Variants in MAP2K4 observed in about 807,000 individuals in gnomAD.
MAP2K4 encodes dual specificity mitogen-activated protein kinase kinase 4.
In MAP2K4, 4 loss-of-function variants were observed where a neutral mutation model predicts 48.5. The ratio of observed to expected loss-of-function variants is 0.08; its 90% CI spans 0.04 to 0.19. The LOEUF is 0.19. Among genes scored for constraint, MAP2K4 ranks in the 10% least tolerant of loss-of-function variants. The probability of loss-of-function intolerance (pLI) is 1.00; values close to 1 mark genes in which losing one functional copy is unlikely to be tolerated. For synonymous variants in MAP2K4, 166 were observed against 173.1 expected (o/e 0.96, Z 0.32); for missense variants, 258 against 493.3 (o/e 0.52, Z 4.52).
At chr17:12,100,090 C>G (rs2151566079) in intron 4 of MAP2K4, among the ~76,000 whole-genome samples, 1 of 152,266 alleles carries the variant, frequency 6.6e-6, no homozygotes, top group South Asian at 2.1e-4. Flanking sequence ...ATCTGATAAA[C>G]TTCCCACATG....
intron 1 of MAP2K4, among the ~76,000 whole-genome samples, chr17:12,033,184 T>TA (rs1364320414): frequency 2.0e-5 from 3 of 152,146 alleles, no homozygotes; most frequent in East Asian, 1.9e-4. Flanking sequence ...CAAGTACAGT[T>TA]AAAAAAATCT....
intron 4 of MAP2K4, among the ~76,000 whole-genome samples, chr17:12,100,922 G>A (rs1057242722): frequency 1.3e-5 from 2 of 151,812 alleles, no homozygotes; most frequent in East Asian, 1.9e-4. Context: ...TTTGTTATTC[G>A]GTTTTGGGAG....
chr17:12,113,257 TG>T lies in MAP2K4; in HGVS notation c.712del (p.Asp238ThrfsTer38). 6.2e-7 allele frequency: 1 copy of T among 1,613,634 alleles called. No homozygotes were observed. The highest frequency in any genetic ancestry group is 1.1e-5 in the South Asian group (1 of 91,056). ...GATATCAAACCTTCCAATATTCTTC[TG>T]GACAGAAGTGGAAATATTAAGCTCT... ...HRDIKPSNIL[L>X]DRSGNIKLCD... On this transcript the variant is annotated frameshift_variant, in exon 7 of 11. Transcript: ENST00000353533. LOFTEE classifies it high-confidence loss of function.
rs55668107 is a variant in MAP2K4 at position 12,100,504 on chromosome 17, A to G, written c.513+4810A>G. 6.1e-3 allele frequency among the ~76,000 whole-genome samples: 935 copies of G among 152,276 alleles called. 4 individuals carry two copies. Among genetic ancestry groups the G allele is most frequent in the African/African-American group, 0.022 (917 of 41,566 alleles). On this transcript the variant is annotated intron_variant, in intron 4 of 10. Transcript: ENST00000353533. Reference sequence around the variant, plus strand: ...GGATTGTTTTCAGTTTTTGTCTGTTACTAATAAAGTTGCTTTGAGCATTTA... The same window carrying G: ...GGATTGTTTTCAGTTTTTGTCTGTTGCTAATAAAGTTGCTTTGAGCATTTA...
At chr17:12,060,991 C>T (rs1970434075) in intron 2 of MAP2K4, among the ~76,000 whole-genome samples, 1 of 151,958 alleles carries the variant, frequency 6.6e-6, no homozygotes, top group Non-Finnish European at 1.5e-5. Flanking sequence ...TCCTTCTAGC[C>T]CTGGCGCCCA....
intron 1 of MAP2K4, among the ~76,000 whole-genome samples, chr17:12,051,725 G>GA (rs1396641971): frequency 2.0e-5 from 3 of 151,818 alleles, no homozygotes; most frequent in Middle Eastern, 3.2e-3. Flanking sequence ...TCAAGTTTTT[G>GA]AAAAAAATTC....
chr17:12,142,127 C>CAGT lies in MAP2K4; in HGVS notation c.*868_*869insGTA, dbSNP rs1973394646. On this transcript the variant is annotated 3_prime_UTR_variant, in exon 11 of 11. Coordinates refer to ENST00000353533, the MANE Select transcript of MAP2K4 (RefSeq NM_003010.4). Reference sequence around the variant, plus strand: ...TGAAAGAAGAAAACAGTACAGAAGGCAAAGTTTACAGATGTTTTTAATTCT... The same window carrying CAGT: ...TGAAAGAAGAAAACAGTACAGAAGGCAGTAAAGTTTACAGATGTTTTTAATTCT... 1 of 233,372 alleles carries CAGT rather than the reference C, an allele frequency of 4.3e-6. No homozygotes were observed. The highest frequency in any genetic ancestry group is 5.6e-5 in the Admixed American group (1 of 17,768). The allele number at this position is 233,372 out of a possible 1,614,324, so 14.5% of individuals were successfully genotyped here.
intron 6 of MAP2K4, among the ~76,000 whole-genome samples, chr17:12,111,426 G>C: frequency 6.6e-6 from 1 of 150,962 alleles, no homozygotes; most frequent in South Asian, 2.1e-4. Context: ...TGTAGAGTTA[G>C]GTCCCTAAAC....
At chr17:12,098,262 G>A (rs757525749) in intron 4 of MAP2K4, among the ~76,000 whole-genome samples, 4 of 152,040 alleles carry the variant, frequency 2.6e-5, no homozygotes, top group Admixed American at 6.5e-5. Flanking sequence ...GGCGGATCAC[G>A]AGGTCAGGAG....
At chr17:12,139,490 T>G (rs899969508) in intron 9 of MAP2K4, among the ~76,000 whole-genome samples, 11 of 152,176 alleles carry the variant, frequency 7.2e-5, no homozygotes, top group African/African-American at 2.4e-4. Context: ...TTATTTACAT[T>G]TAGAAAAGCA....
intron 9 of MAP2K4, 23 bp from the exon 10 acceptor site, chr17:12,139,816 A>G (rs1178180569): frequency 6.6e-7 from 1 of 1,516,510 alleles, no homozygotes; most frequent in Non-Finnish European, 9.1e-7. Flanking sequence ...CATTTTAATA[A>G]TGTTATTTTT....
intron 3 of MAP2K4, chr17:12,095,336 T>C: frequency 2.0e-6 from 1 of 504,078 alleles, no homozygotes; most frequent in Non-Finnish European, 3.6e-6. Flanking sequence ...TAGTAAATGC[T>C]CATGGTTAAA....
At chr17:12,051,659 A>G (rs1472151204) in intron 1 of MAP2K4, among the ~76,000 whole-genome samples, 2 of 152,326 alleles carry the variant, frequency 1.3e-5, no homozygotes, top group South Asian at 2.1e-4. Flanking sequence ...GCATCTAAAA[A>G]TCTTCACAGG....
In MAP2K4 at chr17:12,081,244, A is replaced by C; in HGVS notation, c.219-112A>C. ...GAAAAACTTCAAAAACCTGGAGGTC[A>C]GACTATTTTAGTAATTTAGAAAACA... On this transcript the variant is annotated intron_variant, in intron 2 of 10. Coordinates refer to ENST00000353533, the MANE Select transcript of MAP2K4 (RefSeq NM_003010.4). The surrounding 1 kb of genome is among the most constrained non-coding windows in gnomAD (Gnocchi z 4.2). The C allele has an allele frequency of 1.3e-6, 1 of 759,834 alleles. No individual in the cohort carries two copies. Among genetic ancestry groups the C allele is most frequent in the East Asian group, 2.8e-5 (1 of 35,530 alleles). 47.1% of individuals were successfully genotyped at this position (759,834 alleles called of 1,614,324 possible). A position where few individuals can be genotyped will look rare whatever the true frequency, so the allele number is the denominator to read the frequency against.
At position 12,141,169 on chromosome 17, in the gene MAP2K4, A is replaced by G. The variant is rs1379788876; in HGVS notation, c.1109A>G (p.Tyr370Cys). 1.2e-6 allele frequency: 2 copies of G among 1,613,124 alleles called. No individual in the cohort carries two copies. The highest frequency in any genetic ancestry group is 1.1e-5 in the South Asian group (1 of 91,058). Residue 370 changes from tyrosine (Y) to cysteine (C), a missense_variant, in exon 11 of 11, where the codon TAT (tyrosine) becomes TGT (cysteine). Tyr to Cys is a radical substitution (Grantham distance 194, BLOSUM62 -2). Around this residue, in one of 3 missense-constraint regions of MAP2K4, gnomAD observed 57 missense variants for 84.3 expected, o/e 0.68. Transcript: ENST00000353533. ...CAGAAACATCCCTTTATTTTGATGTATGAAGAACGTGCCGTTGAGGTCGCA... is the reference window on the plus strand; with the variant it reads ...CAGAAACATCCCTTTATTTTGATGTGTGAAGAACGTGCCGTTGAGGTCGCA... ...ELLKHPFILM[Y>C]EERAVEVACY...
intron 2 of MAP2K4, among the ~76,000 whole-genome samples, chr17:12,056,092 T>A (rs1455941219): frequency 6.6e-6 from 1 of 152,052 alleles, no homozygotes; most frequent in African/African-American, 2.4e-5. Context: ...TAAAAGAACC[T>A]CCTTCCTTAT....
chr17:12,077,930 G>A (rs1175679121), intron 2 of MAP2K4, among the ~76,000 whole-genome samples: 1 of 152,198 alleles, frequency 6.6e-6, no homozygotes, highest in African/African-American at 2.4e-5. Flanking sequence ...CATATGAGAA[G>A]AGAGTGAACT....
intron 4 of MAP2K4, among the ~76,000 whole-genome samples, chr17:12,097,730 A>T (rs78055340): frequency 4.6e-5 from 7 of 152,246 alleles, no homozygotes; most frequent in African/African-American, 1.7e-4. Flanking sequence ...AATGAAATTT[A>T]GTGTGTTTGA....
intron 6 of MAP2K4, 172 bp downstream of exon 6, chr17:12,110,598 G>T: frequency 1.8e-6 from 1 of 561,150 alleles, no homozygotes; most frequent in Non-Finnish European, 3.2e-6. Flanking sequence ...TTTTTCTTTG[G>T]GATTCAATAA....
Sources: allele counts gnomAD v4.1 joint callset (sites outside exome capture counted in the v4.1 genomes callset), GRCh38; gene constraint gnomAD v4.1.1; regional missense constraint gnomAD v4.1.1; non-coding constraint Gnocchi (gnomAD v3.1); transcripts MANE v1.5; gene names NCBI Gene and HGNC (gene_info 2026-07-23, HGNC 2026-07-21).